Variants in SPECC1 observed in about 807,000 individuals in gnomAD.
SPECC1 encodes cytospin-B.
Under a neutral mutation model 104.1 loss-of-function variants are expected in SPECC1, and 62 were observed. The observed-to-expected ratio is 0.60, with a 90% CI of 0.49 to 0.74. The LOEUF (loss-of-function observed/expected upper bound fraction) is 0.74, where lower values mean the gene tolerates loss of function less well. SPECC1 is among the 30% of genes least tolerant of loss of function. The pLI, the probability that SPECC1 is intolerant of heterozygous loss-of-function variation, is 0.00. For missense variants in SPECC1, 1,306 were observed against 1,310.5 expected (o/e 1.00, Z 0.05); for synonymous variants, 513 against 501.6 (o/e 1.02, Z -0.30).
At chr17:20,021,704 T>A (rs556402122) in intron 1 of SPECC1, among the ~76,000 whole-genome samples, 135 of 139,546 alleles carry the variant, frequency 9.7e-4, no homozygotes, top group African/African-American at 1.2e-3. Flanking sequence ...ATATATATAT[T>A]TTTTTGTACT....
At chr17:20,062,805 C>CA (rs2046233203) in intron 1 of SPECC1, among the ~76,000 whole-genome samples, 1 of 151,922 alleles carries the variant, frequency 6.6e-6, no homozygotes, top group South Asian at 2.1e-4. Context: ...TCTCCTGCCT[C>CA]AGCCTCCCGA....
At chr17:20,262,138 G>A (rs1488197699) in intron 12 of SPECC1, among the ~76,000 whole-genome samples, 1 of 152,186 alleles carries the variant, frequency 6.6e-6, no homozygotes, top group African/African-American at 2.4e-5. Context: ...GCATATAGCT[G>A]TAATTTGTTC....
chr17:20,072,709 C>T (rs1471478359), intron 1 of SPECC1, among the ~76,000 whole-genome samples: 1 of 152,222 alleles, frequency 6.6e-6, no homozygotes, highest in Non-Finnish European at 1.5e-5. Flanking sequence ...GCTCTGCAAA[C>T]CCATGCCACC....
chr17:20,262,952 G>T (rs1175007246), intron 12 of SPECC1, among the ~76,000 whole-genome samples: 1 of 152,096 alleles, frequency 6.6e-6, no homozygotes, highest in East Asian at 1.9e-4. Context: ...TGAGGCTGCA[G>T]TGAGCTGAGA....
intron 13 of SPECC1, among the ~76,000 whole-genome samples, chr17:20,304,151 G>A (rs1385330060): frequency 6.9e-6 from 1 of 144,926 alleles, no homozygotes; most frequent in Non-Finnish European, 1.5e-5. Context: ...AAAGCCAGGT[G>A]TGGTGGTGCA....
intron 12 of SPECC1, among the ~76,000 whole-genome samples, chr17:20,269,897 G>A (rs2040344080): frequency 6.6e-6 from 1 of 152,146 alleles, no homozygotes; most frequent in African/African-American, 2.4e-5. Context: ...TCCTTCCCCT[G>A]ATCATTGAAC....
chr17:20,144,844 G>T (rs2031278997), intron 3 of SPECC1, among the ~76,000 whole-genome samples: 1 of 152,180 alleles, frequency 6.6e-6, no homozygotes, highest in African/African-American at 2.4e-5. Flanking sequence ...TCACACGCTA[G>T]GAGGATGGAT....
intron 9 of SPECC1, among the ~76,000 whole-genome samples, chr17:20,249,212 G>T (rs1414539271): frequency 6.6e-6 from 1 of 152,186 alleles, no homozygotes. Context: ...GAGGTCAGGA[G>T]TTCGAGACCA....
chr17:20,173,828 C>A (rs2703795), intron 3 of SPECC1, among the ~76,000 whole-genome samples: 64,876 of 152,076 alleles, frequency 0.43, 14,450 homozygotes, highest in East Asian at 0.8. Context: ...GGCCTGAGTT[C>A]TCCACTTGCT....
At chr17:20,236,482 G>T (rs1190636584) in intron 7 of SPECC1, among the ~76,000 whole-genome samples, 2 of 152,058 alleles carry the variant, frequency 1.3e-5, no homozygotes, top group Non-Finnish European at 2.9e-5. Context: ...GGATTTTTAG[G>T]TTGCAGTTAT....
intron 12 of SPECC1, among the ~76,000 whole-genome samples, chr17:20,295,999 T>C (rs1455515097): frequency 2.0e-5 from 3 of 152,260 alleles, no homozygotes; most frequent in African/African-American, 7.2e-5. Context: ...CAGTTTCTTT[T>C]GCTGTGCAGA....
chr17:20,179,290 G>T (rs2034697382), intron 3 of SPECC1, among the ~76,000 whole-genome samples: 1 of 152,270 alleles, frequency 6.6e-6, no homozygotes, highest in African/African-American at 2.4e-5. Context: ...AGGCACTAAA[G>T]TCTACAGTGA....
At chr17:20,125,580 G>A (rs1171563026) in intron 3 of SPECC1, among the ~76,000 whole-genome samples, 3 of 152,184 alleles carry the variant, frequency 2.0e-5, no homozygotes, top group Admixed American at 1.3e-4. Context: ...TTCTGTTTCT[G>A]TGAGTTTGAC....
intron 5 of SPECC1, among the ~76,000 whole-genome samples, chr17:20,229,800 A>C (rs768804802): frequency 2.0e-5 from 3 of 152,388 alleles, no homozygotes; most frequent in Non-Finnish European, 4.4e-5. Context: ...AAAGCAGCCA[A>C]ATTCATGGAT....
rs754433247 is a variant in SPECC1 at position 20,186,192 on chromosome 17, G to A, written c.284-18141G>A. ...ATTTTAACTACAGACACATCTTGGT[G>A]ATGTTGTGAATTCAGTTTCAGACCA... On this transcript the variant is annotated intron_variant, in intron 3 of 14. Transcript: ENST00000395527. Among the ~76,000 whole-genome samples the A allele has an allele frequency of 3.9e-4, 59 of 152,280 alleles. 1 individual carries two copies. Among genetic ancestry groups the A allele is most frequent in the Non-Finnish European group, 6.5e-4 (44 of 68,026 alleles).
chr17:20,281,100 T>C (rs543021892), intron 12 of SPECC1, among the ~76,000 whole-genome samples: 6 of 152,312 alleles, frequency 3.9e-5, no homozygotes, highest in Non-Finnish European at 8.8e-5. Flanking sequence ...AGCTCAGTTC[T>C]TAGCATGGCC....
intron 3 of SPECC1, among the ~76,000 whole-genome samples, chr17:20,199,001 C>T (rs1417354266): frequency 6.6e-6 from 1 of 151,752 alleles, no homozygotes; most frequent in Admixed American, 6.6e-5. Flanking sequence ...AGTCATTTTC[C>T]CTCCGAACTT....
rs946615073 is a variant in SPECC1, at chr17:20,315,761, G to A, written c.*1696G>A. 6 of 232,382 alleles carry A rather than the reference G, an allele frequency of 2.6e-5. No individual in the cohort carries two copies. The highest frequency in any genetic ancestry group is 1.8e-4 in the South Asian group (1 of 5,520). 14.4% of individuals were successfully genotyped at this position (232,382 alleles called of 1,614,324 possible). A position where few individuals can be genotyped will look rare whatever the true frequency, so the allele number is the denominator to read the frequency against. ...CAGAGGTGGCAACTGGGCTGCACGGGTCAGCAGATCCCTGATTCTCAAGCC... is the reference window on the plus strand; with the variant it reads ...CAGAGGTGGCAACTGGGCTGCACGGATCAGCAGATCCCTGATTCTCAAGCC... On this transcript the variant is annotated 3_prime_UTR_variant, in exon 15 of 15. Transcript: ENST00000395527.
intron 13 of SPECC1, among the ~76,000 whole-genome samples, chr17:20,298,984 GA>G (rs2041468510): frequency 1.3e-5 from 1 of 76,826 alleles, no homozygotes; most frequent in Non-Finnish European, 2.5e-5. Context: ...TGTAGAGAGA[GA>G]GAGAGAGAGA....
Sources: gnomAD v4.1 joint callset for allele counts (sites outside exome capture counted in the v4.1 genomes callset) on GRCh38, gnomAD v4.1.1 for gene constraint, MANE v1.5 for transcripts, NCBI Gene and HGNC (gene_info 2026-07-23, HGNC 2026-07-21) for gene names.